The following NDUFAF2 variants were observed in gnomAD, a reference collection of about 807,000 sequenced individuals.
NDUFAF2 encodes the protein NADH dehydrogenase [ubiquinone] 1 alpha subcomplex assembly factor 2.
Under a neutral mutation model 22.8 loss-of-function variants are expected in NDUFAF2, and 13 were observed. That is an observed-to-expected ratio of 0.57 (90% CI 0.37 to 0.91). The LOEUF is 0.91. NDUFAF2 is among the 40% of genes least tolerant of loss of function. The pLI is 0.01. For missense variants in NDUFAF2, 162 were observed against 195.2 expected (o/e 0.83, Z 1.01); for synonymous variants, 53 against 64.2 (o/e 0.83, Z 0.84).
chr5:61,049,845 C>T (rs894162970), intron 1 of NDUFAF2, among the ~76,000 whole-genome samples: 17 of 150,226 alleles, frequency 1.1e-4, no homozygotes, highest in African/African-American at 3.9e-4. Flanking sequence ...CACACATACA[C>T]AATGAAAATT....
At chr5:60,984,863 G>A (rs993469351) in intron 1 of NDUFAF2, among the ~76,000 whole-genome samples, 3 of 151,592 alleles carry the variant, frequency 2.0e-5, no homozygotes. Flanking sequence ...CTCTTTTTTT[G>A]TTGTGTCTCT....
chr5:61,074,959 T>C (rs1239248139), intron 2 of NDUFAF2, among the ~76,000 whole-genome samples: 1 of 152,074 alleles, frequency 6.6e-6, no homozygotes, highest in East Asian at 1.9e-4. Context: ...CAAATACTTA[T>C]AAAGCCATCA....
intron 3 of NDUFAF2, among the ~76,000 whole-genome samples, chr5:61,136,022 T>C (rs1426655106): frequency 2.7e-5 from 1 of 36,702 alleles, no homozygotes; most frequent in African/African-American, 5.3e-5. Context: ...TATATATATA[T>C]ATATATATAT....
chr5:61,127,348 C>T (rs929245534), intron 3 of NDUFAF2, among the ~76,000 whole-genome samples: 3 of 152,050 alleles, frequency 2.0e-5, no homozygotes, highest in Middle Eastern at 3.4e-3. Context: ...GACAATTTTA[C>T]ACCAATATCC....
rs533053645 is a variant in NDUFAF2, at chr5:61,100,786, G to A, written c.258+1754G>A. Among the ~76,000 whole-genome samples the A allele has an allele frequency of 1.3e-3, 203 of 152,164 alleles. 4 individuals are homozygous for A. The highest frequency in any genetic ancestry group is 6.8e-3 in the Middle Eastern group (2 of 294). On this transcript the variant is annotated intron_variant, in intron 3 of 3. Coordinates refer to ENST00000296597, the MANE Select transcript of NDUFAF2 (RefSeq NM_174889.5). The stretch of plus-strand genomic sequence containing the variant: ...AAGAAAGTGAGTTCAACTGCTTCTT[G>A]CTTCCCCAAATAGTCTTTGTTTGTG...
intron 1 of NDUFAF2, among the ~76,000 whole-genome samples, chr5:60,981,613 A>G (rs1416414509): frequency 6.6e-6 from 1 of 152,252 alleles, no homozygotes; most frequent in Non-Finnish European, 1.5e-5. Context: ...GATCAAGAAT[A>G]ATAACTAAAA....
intron 1 of NDUFAF2, among the ~76,000 whole-genome samples, chr5:60,951,508 T>C (rs935946917): frequency 6.6e-6 from 1 of 152,220 alleles, no homozygotes; most frequent in African/African-American, 2.4e-5. Flanking sequence ...TCATTTGGCA[T>C]TGATTGATTG....
chr5:61,086,747 A>G (rs548822964), intron 2 of NDUFAF2, among the ~76,000 whole-genome samples: 1 of 152,150 alleles, frequency 6.6e-6, no homozygotes, highest in Non-Finnish European at 1.5e-5. Flanking sequence ...ACCCTAAAAC[A>G]CAAACTTAAA....
chr5:61,066,777 A>C (rs920534207), intron 1 of NDUFAF2, among the ~76,000 whole-genome samples: 4 of 152,068 alleles, frequency 2.6e-5, no homozygotes, highest in African/African-American at 9.7e-5. Flanking sequence ...GTATTTTTTA[A>C]ATTTGTATTT....
intron 1 of NDUFAF2, among the ~76,000 whole-genome samples, chr5:61,010,031 A>T (rs1580093284): frequency 6.6e-6 from 1 of 152,062 alleles, no homozygotes; most frequent in Admixed American, 6.6e-5. Context: ...TTGTCTGTCA[A>T]TTAGACTTTG....
intron 3 of NDUFAF2, among the ~76,000 whole-genome samples, chr5:61,113,153 CTT>C (rs1752866744): frequency 6.6e-6 from 1 of 152,098 alleles, no homozygotes; most frequent in Non-Finnish European, 1.5e-5. Flanking sequence ...ATCTTTTAGT[CTT>C]TCTCCTCATC....
At chr5:61,063,499 G>A (rs1056201727) in intron 1 of NDUFAF2, among the ~76,000 whole-genome samples, 1 of 151,966 alleles carries the variant, frequency 6.6e-6, no homozygotes, top group Admixed American at 6.6e-5. Flanking sequence ...GCAAGACCCT[G>A]TCTCAAAACA....
chr5:61,084,341 G>T (rs1344326029), intron 2 of NDUFAF2, among the ~76,000 whole-genome samples: 1 of 148,992 alleles, frequency 6.7e-6, no homozygotes, highest in African/African-American at 2.4e-5. Context: ...TTCCATTTTA[G>T]CCATTTTTAA....
At chr5:60,971,940 T>C (rs924153860) in intron 1 of NDUFAF2, among the ~76,000 whole-genome samples, 6 of 134,546 alleles carry the variant, frequency 4.5e-5, no homozygotes, top group South Asian at 2.5e-4. Flanking sequence ...CCCCCCTCCC[T>C]TTTTTTTTTT....
intron 3 of NDUFAF2, among the ~76,000 whole-genome samples, chr5:61,152,036 T>C (rs1403108019): frequency 6.6e-6 from 1 of 152,202 alleles, no homozygotes; most frequent in Non-Finnish European, 1.5e-5. Context: ...TAATTTTGGG[T>C]ATAGATCCTC....
chr5:61,128,486 A>G (rs1257305687), intron 3 of NDUFAF2, among the ~76,000 whole-genome samples: 1 of 152,218 alleles, frequency 6.6e-6, no homozygotes, highest in Non-Finnish European at 1.5e-5. Flanking sequence ...GCCCTCAGAA[A>G]TAATACCACA....
intron 1 of NDUFAF2, among the ~76,000 whole-genome samples, chr5:60,968,687 G>A (rs374629315): frequency 6.6e-6 from 1 of 151,960 alleles, no homozygotes; most frequent in East Asian, 1.9e-4. Context: ...ATCACCTCAA[G>A]CATTCATCTG....
intron 3 of NDUFAF2, among the ~76,000 whole-genome samples, chr5:61,139,712 G>T (rs1277578864): frequency 6.6e-6 from 1 of 152,258 alleles, no homozygotes; most frequent in African/African-American, 2.4e-5. Context: ...CAGCCTGGAG[G>T]CTGAAAGACC....
At position 60,960,217 on chromosome 5, in the gene NDUFAF2, G is replaced by C. The variant is rs187586919; in HGVS notation, c.127+14835G>C. Among the ~76,000 whole-genome samples the C allele has an allele frequency of 3.7e-3, 567 of 152,072 alleles. 3 individuals carry two copies. Among genetic ancestry groups the C allele is most frequent in the African/African-American group, 0.013 (548 of 41,506 alleles). On this transcript the variant is annotated intron_variant, in intron 1 of 3. Transcript: ENST00000296597. ...GTTATTTGTCTCCTTTTGTTTTGAG[G>C]GTTTTGTAATTGCTTTATATTAAGA...
Sources: allele counts gnomAD v4.1 joint callset (sites outside exome capture counted in the v4.1 genomes callset), GRCh38; gene constraint gnomAD v4.1.1; transcripts MANE v1.5; gene names NCBI Gene and HGNC (gene_info 2026-07-23, HGNC 2026-07-21).